ZNF569: variants seen among roughly 807,000 people sequenced by gnomAD.
ZNF569 encodes DNA-binding protein.
A neutral mutation model predicts 56.3 loss-of-function variants in ZNF569; 38 were observed. The ratio of observed to expected loss-of-function variants is 0.68; its 90% CI spans 0.52 to 0.88. ZNF569 has a LOEUF of 0.88. Ranked by LOEUF, ZNF569 falls within the 40% of genes least tolerant of loss-of-function variation. ZNF569 has a pLI of 0.00. For synonymous variants in ZNF569, 241 were observed against 262.9 expected, an observed-to-expected ratio of 0.92 and a Z score of 0.81; for missense variants, 666 against 809.2, an observed-to-expected ratio of 0.82 and a Z score of 2.15.
intron 2 of ZNF569, among the ~76,000 whole-genome samples, chr19:37,461,301 G>A (rs1002534353): frequency 6.7e-6 from 1 of 148,716 alleles, no homozygotes; most frequent in African/African-American, 2.5e-5. Flanking sequence ...TAAAACATAT[G>A]AAAAATATCC....
chr19:37,461,024 A>G lies in ZNF569; in HGVS notation c.-44+4289T>C, dbSNP rs571573356. ...AATAATAAAAACAACCCACTAGGAG[A>G]TGCCAGGGAACCACTCCAATAACTC... On this transcript the variant is annotated intron_variant, in intron 2 of 5. Transcript: ENST00000316950. Among the ~76,000 whole-genome samples, 4 of 152,332 alleles carry G rather than the reference A, an allele frequency of 2.6e-5. No individual in the cohort carries two copies. In the South Asian group the frequency reaches 8.3e-4, roughly 32 times the overall value.
chr19:37,441,351 G>A (rs931049675), intron 3 of ZNF569, among the ~76,000 whole-genome samples: 1 of 152,126 alleles, frequency 6.6e-6, no homozygotes, highest in Non-Finnish European at 1.5e-5. Flanking sequence ...GATGAAGTAG[G>A]GTCATTTCAG....
chr19:37,416,451 G>C lies in ZNF569; in HGVS notation c.239-2032C>G, dbSNP rs562271216. Among the ~76,000 whole-genome samples the C allele has an allele frequency of 2.0e-5, 3 of 152,052 alleles. No homozygotes were observed. In the South Asian group the frequency reaches 6.2e-4, roughly 32 times the overall value. ...TACAGTCATCCCTCATTATCTATTG[G>C]GGACTGGTTCCAGGACCTCCCGTGG... On this transcript the variant is annotated intron_variant, in intron 5 of 5. Coordinates refer to ENST00000316950, the MANE Select transcript of ZNF569 (RefSeq NM_152484.3).
At chr19:37,468,769 G>A (rs2041896932), upstream of ZNF569, among the ~76,000 whole-genome samples, 1 of 152,222 alleles carries the variant, frequency 6.6e-6, no homozygotes, top group African/African-American at 2.4e-5. Context: ...GCCTTCCAAA[G>A]TGCTGGGATT....
rs2040891191 is a variant in ZNF569, at chr19:37,414,261, T to C, written c.397A>G (p.Arg133Gly). ...AAGTCATACTCATAGAGATTGTGTC[T>C]GGAAGGGAAAAAATCAGAGTTCAGA... ...FPLNSDFFPS[R>G]HNLYEYDLFG... Residue 133 changes from arginine to glycine, a missense_variant, in exon 6 of 6, where the codon AGA (arginine) becomes GGA (glycine). Coordinates refer to ENST00000316950, the MANE Select transcript of ZNF569 (RefSeq NM_152484.3). 1 of 1,613,630 alleles carries C rather than the reference T, an allele frequency of 6.2e-7. No homozygotes were observed. Among genetic ancestry groups the C allele is most frequent in the African/African-American group, 1.3e-5 (1 of 75,030 alleles).
chr19:37,427,165 A>C (rs1315774029), intron 3 of ZNF569, among the ~76,000 whole-genome samples: 2 of 152,080 alleles, frequency 1.3e-5, no homozygotes, highest in African/African-American at 2.4e-5. Context: ...AAAAATACAA[A>C]AATTAGCCAG....
chr19:37,468,304 C>G (rs139185452), upstream of ZNF569, among the ~76,000 whole-genome samples: 30 of 152,138 alleles, frequency 2.0e-4, no homozygotes, highest in African/African-American at 7.2e-4. Context: ...GCCCAGGCTG[C>G]TCTCGAACTC....
Position 37,414,354 on chromosome 19 carries a change from T to TA in ZNF569, c.303dup (p.Lys102Ter). 1.9e-6 allele frequency: 3 copies of TA among 1,612,558 alleles called. No homozygotes were observed. The highest frequency in any genetic ancestry group is 2.5e-6 in the Non-Finnish European group (3 of 1,179,420). On this transcript the variant is annotated frameshift_variant, in exon 6 of 6. Coordinates refer to ENST00000316950, the MANE Select transcript of ZNF569 (RefSeq NM_152484.3). LOFTEE classifies it high-confidence loss of function. The stretch of plus-strand genomic sequence containing the variant: ...TCTTCAGTCAGTGTTTTCTGGAATT[T>TA]AACTTCAACTTGTCTCAAAAGTCTG...
chr19:37,458,069 C>G (rs942214407), intron 2 of ZNF569, among the ~76,000 whole-genome samples: 27 of 152,182 alleles, frequency 1.8e-4, no homozygotes, highest in Non-Finnish European at 3.7e-4. Flanking sequence ...TGGGGTTTTG[C>G]CATGTTGCCC....
chr19:37,412,676 G>A lies in ZNF569; in HGVS notation c.1982C>T (p.Pro661Leu). 1 of 1,614,020 alleles carries A rather than the reference G, an allele frequency of 6.2e-7. No homozygotes were observed. The highest frequency in any genetic ancestry group is 8.5e-7 in the Non-Finnish European group (1 of 1,179,962). Residue 661 changes from proline to leucine, a missense_variant, in exon 6 of 6, where the codon CCC becomes CTC. Transcript: ENST00000316950. ...LHMRKHTGEKPYHCIECGKAF... is the reference protein window; with the variant it reads ...LHMRKHTGEKLYHCIECGKAF... ...CTTGCCACACTCAATACAGTGATAG[G>A]GCTTCTCACCTGTATGTTTTCTCAT... is the stretch of plus-strand genomic sequence containing the variant.
At chr19:37,439,305 A>T (rs1413925245) in intron 3 of ZNF569, among the ~76,000 whole-genome samples, 1 of 152,178 alleles carries the variant, frequency 6.6e-6, no homozygotes, top group Non-Finnish European at 1.5e-5. Context: ...TCCTGACCTC[A>T]GATGATCCAC....
intron 2 of ZNF569, among the ~76,000 whole-genome samples, chr19:37,462,918 T>G (rs1411937505): frequency 6.6e-6 from 1 of 152,190 alleles, no homozygotes; most frequent in Non-Finnish European, 1.5e-5. Context: ...TATATCCAAC[T>G]GCCAACTTGA....
chr19:37,468,059 T>G, upstream of ZNF569: 2 of 790,258 alleles, frequency 2.5e-6, no homozygotes, highest in African/African-American at 1.8e-5. Context: ...TTAACTTCTC[T>G]ATGCCTTTCG....
intron 5 of ZNF569, among the ~76,000 whole-genome samples, chr19:37,418,101 A>AAATAATAATGATAAT (rs1324027215): frequency 7.0e-6 from 1 of 143,292 alleles, no homozygotes; most frequent in African/African-American, 2.6e-5. Context: ...ACTCCATCTC[A>AAATAATAATGATAAT]AATAATAATA....
upstream of ZNF569, chr19:37,467,661 G>T (rs564214247): frequency 3.0e-4 from 178 of 599,000 alleles, no homozygotes; most frequent in African/African-American, 2.9e-3. Context: ...GTGAAGGCCG[G>T]GTCAGCTGGA....
intron 2 of ZNF569, among the ~76,000 whole-genome samples, chr19:37,460,615 C>T (rs768595132): frequency 6.6e-5 from 10 of 151,828 alleles, no homozygotes; most frequent in Non-Finnish European, 1.0e-4. Context: ...TGAAGCTAGG[C>T]GTGGTAGCGT....
At chr19:37,468,979 AC>A, upstream of ZNF569, 3 of 895,606 alleles carry the variant, frequency 3.3e-6, no homozygotes, top group Non-Finnish European at 4.0e-6. Flanking sequence ...CCACGCACAA[AC>A]CTTTTCCCTG....
intron 2 of ZNF569, among the ~76,000 whole-genome samples, chr19:37,455,312 C>G (rs532213926): frequency 6.6e-6 from 1 of 152,236 alleles, no homozygotes; most frequent in East Asian, 1.9e-4. Context: ...CAACTTTAAG[C>G]TAATTGAGGA....
chr19:37,433,042 C>G (rs1026791950), intron 3 of ZNF569, among the ~76,000 whole-genome samples: 3 of 151,662 alleles, frequency 2.0e-5, no homozygotes, highest in Non-Finnish European at 2.9e-5. Context: ...GAGCAGGGAC[C>G]ACAGGTGCAT....
Sources: gnomAD v4.1 joint callset for allele counts (sites outside exome capture counted in the v4.1 genomes callset) on GRCh38, gnomAD v4.1.1 for gene constraint, MANE v1.5 for transcripts, NCBI Gene and HGNC (gene_info 2026-07-23, HGNC 2026-07-21) for gene names.